APAF1: variants seen among roughly 807,000 people sequenced by gnomAD.
The protein encoded by APAF1 is apoptotic peptidase activating factor 1, also known as apoptotic protease-activating factor 1.
A neutral mutation model predicts 152.4 loss-of-function variants in APAF1; 91 were observed. That is an observed-to-expected ratio of 0.60 (90% CI 0.50 to 0.71). The LOEUF is 0.71. Ranked by LOEUF, APAF1 falls within the 30% of genes least tolerant of loss-of-function variation. The pLI, the probability that APAF1 is intolerant of heterozygous loss-of-function variation, is 0.00. For missense variants in APAF1, 1,283 were observed against 1,472.0 expected, an observed-to-expected ratio of 0.87 and a Z score of 2.10; for synonymous variants, 484 against 494.1, an observed-to-expected ratio of 0.98 and a Z score of 0.27.
intron 6 of APAF1, 43 bp from the exon 7 acceptor site, chr12:98,662,632 A>T (rs376462245): frequency 2.5e-6 from 4 of 1,609,208 alleles, no homozygotes; most frequent in Non-Finnish European, 2.5e-6. Context: ...TAAATATGTG[A>T]CATACCAAAT....
At chr12:98,668,853 T>A (rs1474556181) in intron 10 of APAF1, among the ~76,000 whole-genome samples, 1 of 152,266 alleles carries the variant, frequency 6.6e-6, no homozygotes, top group East Asian at 1.9e-4. Context: ...CAGTTAGATA[T>A]ATGAGTCTAG....
intron 7 of APAF1, 77 bp from the exon 8 acceptor site, chr12:98,665,471 AGTAAT>A: frequency 1.1e-6 from 1 of 935,320 alleles, no homozygotes; most frequent in Non-Finnish European, 1.8e-6. Flanking sequence ...ATTGTTTCTT[AGTAAT>A]GTAAGTAAGT....
At chr12:98,701,387 G>A (rs989006421) in intron 17 of APAF1, among the ~76,000 whole-genome samples, 2 of 152,116 alleles carry the variant, frequency 1.3e-5, no homozygotes, top group African/African-American at 4.8e-5. Context: ...GGGTCATATG[G>A]TAATTCTTTA....
At chr12:98,691,255 C>A (rs2097703914) in intron 16 of APAF1, among the ~76,000 whole-genome samples, 1 of 151,884 alleles carries the variant, frequency 6.6e-6, no homozygotes, top group Non-Finnish European at 1.5e-5. Flanking sequence ...CCTCCCTTTC[C>A]TTCTTTTCCT....
In APAF1 at chr12:98,682,967, G is replaced by A. The variant is rs539809095; in HGVS notation, c.2047-176G>A. On this transcript the variant is annotated intron_variant, in intron 14 of 26. Transcript: ENST00000551964. ...CAAATAATTTTTTTTAAACATTAAG[G>A]CAAAATATTGCCATATTTTAGAAAG... 3.9e-5 allele frequency among the ~76,000 whole-genome samples: 6 copies of A among 152,124 alleles called. No homozygotes were observed. The East Asian group carries it at 9.7e-4, about 24-fold the overall frequency.
Position 98,662,145 on chromosome 12 carries a change from C to T in APAF1, c.711-311C>T, listed in dbSNP as rs141959835. 7.8e-3 allele frequency among the ~76,000 whole-genome samples: 1,072 copies of T among 137,392 alleles called. 11 individuals carry two copies. The highest frequency in any genetic ancestry group is 0.027 in the African/African-American group (1,000 of 37,308). 90.1% of individuals were successfully genotyped at this position (137,392 alleles called of 152,430 possible). A position where few individuals can be genotyped will look rare whatever the true frequency, so the allele number is the denominator to read the frequency against. ...ATCCCATTACTTGGATAGTAATGGT[C>T]GCTTTTTTTTTTTTTTTTTTGGCAC... On this transcript the variant is annotated intron_variant, in intron 5 of 26. Coordinates refer to ENST00000551964, the MANE Select transcript of APAF1 (RefSeq NM_181861.2).
chr12:98,717,948 G>A (rs2097736881), intron 22 of APAF1, among the ~76,000 whole-genome samples: 1 of 152,148 alleles, frequency 6.6e-6, no homozygotes, highest in South Asian at 2.1e-4. Flanking sequence ...TTCCTAGAGA[G>A]GAATTTTCTG....
rs61301412 is a variant in APAF1, at chr12:98,653,656, C to CA, written c.526+4008dup. On this transcript the variant is annotated intron_variant, in intron 4 of 26. Transcript: ENST00000551964. ...TGGGTGACAGAGTGAGATGCCGTCT[C>CA]AAAAAAAAAAAAAAAAAAAAAAAAA... 4.6e-4 allele frequency among the ~76,000 whole-genome samples: 8 copies of CA among 17,532 alleles called. 2 individuals carry two copies. The highest frequency in any genetic ancestry group is 8.5e-4 in the African/African-American group (4 of 4,698). The allele number at this position is 17,532 out of a possible 152,430, so 11.5% of individuals were successfully genotyped here.
At chr12:98,658,110 T>G (rs2097660112) in intron 4 of APAF1, among the ~76,000 whole-genome samples, 1 of 152,188 alleles carries the variant, frequency 6.6e-6, no homozygotes, top group African/African-American at 2.4e-5. Flanking sequence ...CACATAAATC[T>G]TTATGATTGA....
rs1373810083 is a variant in APAF1 at position 98,734,824 on chromosome 12, C to T, written c.*2258C>T. 1.5e-5 allele frequency: 3 copies of T among 202,438 alleles called. No homozygotes were observed. Among genetic ancestry groups the T allele is most frequent in the Non-Finnish European group, 3.0e-5 (3 of 100,948 alleles). 12.5% of individuals were successfully genotyped at this position (202,438 alleles called of 1,614,324 possible). On this transcript the variant is annotated 3_prime_UTR_variant, in exon 27 of 27. Coordinates refer to ENST00000551964, the MANE Select transcript of APAF1 (RefSeq NM_181861.2). ...CCCAAATCATAATTTTATTTGTACA[C>T]ACTGTTAGGGGCTCATCTCATGTAG...
intron 16 of APAF1, among the ~76,000 whole-genome samples, chr12:98,691,036 G>T (rs1482402685): frequency 6.6e-6 from 1 of 151,916 alleles, no homozygotes; most frequent in Non-Finnish European, 1.5e-5. Flanking sequence ...GTGAAACCCC[G>T]TCTCTACTAA....
chr12:98,713,108 C>G (rs1450048127), intron 21 of APAF1, among the ~76,000 whole-genome samples: 1 of 152,184 alleles, frequency 6.6e-6, no homozygotes, highest in South Asian at 2.1e-4. Context: ...CATGAGCCAC[C>G]ACATCCAGCC....
intron 4 of APAF1, among the ~76,000 whole-genome samples, chr12:98,653,338 T>C (rs568820704): frequency 5.6e-4 from 85 of 152,054 alleles, no homozygotes; most frequent in African/African-American, 1.6e-3. Flanking sequence ...TGGGTGGTGA[T>C]TGGCATAAAT....
At chr12:98,684,140 A>G (rs973897109) in intron 15 of APAF1, among the ~76,000 whole-genome samples, 10 of 152,202 alleles carry the variant, frequency 6.6e-5, no homozygotes, top group Non-Finnish European at 1.0e-4. Context: ...GGAAAACTTC[A>G]TAGACTCTAT....
At chr12:98,658,657 C>G (rs751049273) in intron 4 of APAF1, among the ~76,000 whole-genome samples, 2 of 152,092 alleles carry the variant, frequency 1.3e-5, no homozygotes, top group African/African-American at 2.4e-5. Context: ...TAGTTCTCAA[C>G]GAGGGGTGAT....
At chr12:98,665,491 C>T (rs989508090) in intron 7 of APAF1, 62 bp from the exon 8 acceptor site, 11 of 1,123,834 alleles carry the variant, frequency 9.8e-6, no homozygotes, top group Middle Eastern at 2.1e-4. Flanking sequence ...GTAAGTAAGT[C>T]GATTCTTATT....
chr12:98,692,565 TC>T (rs1362875832), intron 16 of APAF1, among the ~76,000 whole-genome samples: 9 of 152,158 alleles, frequency 5.9e-5, no homozygotes, highest in African/African-American at 2.2e-4. Flanking sequence ...ACTCTAGTAG[TC>T]CCCAGCATTT....
Position 98,696,684 on chromosome 12 carries a change from C to T in APAF1, c.2305-2724C>T, listed in dbSNP as rs373020287. Among the ~76,000 whole-genome samples the T allele has an allele frequency of 6.6e-5, 10 of 151,968 alleles. No homozygotes were observed. In the South Asian group the frequency reaches 1.0e-3, roughly 16 times the overall value. On this transcript the variant is annotated intron_variant, in intron 16 of 26. Coordinates refer to ENST00000551964, the MANE Select transcript of APAF1 (RefSeq NM_181861.2). ...TTGTTTGTTTGTTTGTTTTTAGAGA[C>T]GGGGTTTCACCATGTTGCCCAGGCT...
In APAF1 at chr12:98,668,477, T is replaced by C. The variant is rs553197097; in HGVS notation, c.1494+833T>C. ...AAGCACAGGCACAAAGTCATTGCTC[T>C]CACGAGTTTATGTTCTGGGAGGAGG... On this transcript the variant is annotated intron_variant, in intron 10 of 26. Coordinates refer to ENST00000551964, the MANE Select transcript of APAF1 (RefSeq NM_181861.2). Among the ~76,000 whole-genome samples the C allele has an allele frequency of 2.0e-5, 3 of 152,354 alleles. No individual in the cohort carries two copies. In the East Asian group the frequency reaches 5.8e-4, roughly 29 times the overall value.
Sources: gnomAD v4.1 joint callset for allele counts (sites outside exome capture counted in the v4.1 genomes callset) on GRCh38, gnomAD v4.1.1 for gene constraint, MANE v1.5 for transcripts, NCBI Gene and HGNC (gene_info 2026-07-23, HGNC 2026-07-21) for gene names.